NKAIN3: variants seen among roughly 807,000 people sequenced by gnomAD.
NKAIN3 encodes sodium/potassium transporting ATPase interacting 3.
Under a neutral mutation model 30.2 loss-of-function variants are expected in NKAIN3, and 25 were observed. That is an observed-to-expected ratio of 0.83 (90% CI 0.60 to 1.16). NKAIN3 has a LOEUF of 1.16. NKAIN3 is among the 50% of genes most tolerant of loss of function. The pLI, the probability that NKAIN3 is intolerant of heterozygous loss-of-function variation, is 0.00. For missense variants in NKAIN3, 225 were observed against 254.1 expected (o/e 0.89, Z 0.78); for synonymous variants, 91 against 89.6 (o/e 1.02, Z -0.09).
chr8:62,255,711 G>C (rs915441465), intron 1 of NKAIN3, among the ~76,000 whole-genome samples: 1 of 152,156 alleles, frequency 6.6e-6, no homozygotes, highest in Non-Finnish European at 1.5e-5. Flanking sequence ...GTCATGGCAG[G>C]AATAATTAGA....
At chr8:62,500,585 G>A (rs1387380246) in intron 1 of NKAIN3, among the ~76,000 whole-genome samples, 1 of 152,016 alleles carries the variant, frequency 6.6e-6, no homozygotes, top group Non-Finnish European at 1.5e-5. Context: ...TAATGTGTGG[G>A]CCGACTGAAA....
chr8:62,818,732 A>C (rs892980920), intron 4 of NKAIN3, among the ~76,000 whole-genome samples: 4 of 152,128 alleles, frequency 2.6e-5, no homozygotes, highest in Admixed American at 1.3e-4. Flanking sequence ...AATTATATGA[A>C]GTAAGTGCTG....
chr8:62,660,428 T>C (rs1812909173), intron 3 of NKAIN3, among the ~76,000 whole-genome samples: 1 of 152,004 alleles, frequency 6.6e-6, no homozygotes, highest in South Asian at 2.1e-4. Flanking sequence ...AATTATACAT[T>C]TAAAAACTAG....
intron 3 of NKAIN3, among the ~76,000 whole-genome samples, chr8:62,695,568 G>C (rs768419159): frequency 6.6e-6 from 1 of 152,180 alleles, no homozygotes; most frequent in Non-Finnish European, 1.5e-5. Flanking sequence ...GGCAGAAGGA[G>C]TAATTGACAA....
intron 4 of NKAIN3, among the ~76,000 whole-genome samples, chr8:62,788,357 T>G (rs1451025864): frequency 6.6e-6 from 1 of 152,202 alleles, no homozygotes; most frequent in African/African-American, 2.4e-5. Context: ...TGTCTGTTCA[T>G]ATCCTTCGCC....
At chr8:62,577,537 T>A (rs1338118047) in intron 1 of NKAIN3, among the ~76,000 whole-genome samples, 1 of 41,658 alleles carries the variant, frequency 2.4e-5, no homozygotes, top group Middle Eastern at 0.012. Context: ...CAGGGTTTCC[T>A]TTTTTTTTTT....
chr8:62,323,089 A>G (rs1437228927), intron 1 of NKAIN3, among the ~76,000 whole-genome samples: 1 of 152,186 alleles, frequency 6.6e-6, no homozygotes, highest in African/African-American at 2.4e-5. Flanking sequence ...GGGAATGCAA[A>G]ATGGTAGAGG....
At chr8:62,592,775 G>A (rs1050494978) in intron 3 of NKAIN3, among the ~76,000 whole-genome samples, 7 of 151,746 alleles carry the variant, frequency 4.6e-5, no homozygotes, top group Non-Finnish European at 7.4e-5. Context: ...CTATGTAAAC[G>A]ATAATCAGAA....
chr8:62,583,831 G>A (rs1239362513), intron 2 of NKAIN3, among the ~76,000 whole-genome samples: 2 of 151,966 alleles, frequency 1.3e-5, no homozygotes, highest in African/African-American at 4.8e-5. Context: ...TTCTAATATG[G>A]GTATAAATTA....
intron 1 of NKAIN3, among the ~76,000 whole-genome samples, chr8:62,294,221 C>T (rs1320317952): frequency 6.6e-6 from 1 of 152,144 alleles, no homozygotes; most frequent in Non-Finnish European, 1.5e-5. Context: ...ATGGGCTGCA[C>T]CCACTGTCTG....
At chr8:62,400,626 G>A (rs1276887775) in intron 1 of NKAIN3, among the ~76,000 whole-genome samples, 1 of 151,886 alleles carries the variant, frequency 6.6e-6, no homozygotes, top group East Asian at 1.9e-4. Flanking sequence ...TTTTTTGTCT[G>A]GGAAAGTCTT....
chr8:62,919,906 GTT>G (rs61197233), intron 5 of NKAIN3, among the ~76,000 whole-genome samples: 6 of 52,276 alleles, frequency 1.1e-4, no homozygotes, highest in Admixed American at 8.6e-4. Flanking sequence ...CTTACACAGA[GTT>G]TTTTTTTTTT....
At chr8:62,707,268 G>A (rs983026194) in intron 3 of NKAIN3, among the ~76,000 whole-genome samples, 1 of 151,988 alleles carries the variant, frequency 6.6e-6, no homozygotes, top group Non-Finnish European at 1.5e-5. Flanking sequence ...TGAATAAAAT[G>A]GTAGTTCTAC....
intron 4 of NKAIN3, among the ~76,000 whole-genome samples, chr8:62,773,720 T>C (rs1817094886): frequency 6.6e-6 from 1 of 152,114 alleles, no homozygotes; most frequent in Non-Finnish European, 1.5e-5. Flanking sequence ...CCTGCCACCA[T>C]ATAAGACATG....
chr8:62,394,334 A>G (rs1258965613), intron 1 of NKAIN3, among the ~76,000 whole-genome samples: 2 of 151,908 alleles, frequency 1.3e-5, no homozygotes, highest in Non-Finnish European at 2.9e-5. Context: ...TCTCTTTATT[A>G]CATTTAGGTA....
intron 1 of NKAIN3, among the ~76,000 whole-genome samples, chr8:62,263,721 G>A (rs570627029): frequency 1.8e-4 from 27 of 152,202 alleles, no homozygotes; most frequent in African/African-American, 6.3e-4. Flanking sequence ...AAAACATAGT[G>A]TAGTAAACCA....
At chr8:62,607,322 G>A (rs1284886970) in intron 3 of NKAIN3, among the ~76,000 whole-genome samples, 2 of 152,126 alleles carry the variant, frequency 1.3e-5, no homozygotes, top group African/African-American at 4.8e-5. Context: ...TATTTCTGCT[G>A]TGGAAGATCC....
intron 2 of NKAIN3, 71 bp downstream of exon 2, chr8:62,579,747 T>A: frequency 1.1e-6 from 1 of 888,368 alleles, no homozygotes; most frequent in Non-Finnish European, 1.5e-6. Flanking sequence ...AAATAAAATA[T>A]TTCTAAGTGG....
chr8:62,408,631 T>A (rs574858556), intron 1 of NKAIN3, among the ~76,000 whole-genome samples: 2 of 152,320 alleles, frequency 1.3e-5, no homozygotes, highest in South Asian at 4.1e-4. Flanking sequence ...GTGATTCGTG[T>A]CTGGCAGTAG....
Sources: gnomAD v4.1 joint callset for allele counts (sites outside exome capture counted in the v4.1 genomes callset) on GRCh38, gnomAD v4.1.1 for gene constraint, MANE v1.5 for transcripts, NCBI Gene and HGNC (gene_info 2026-07-23, HGNC 2026-07-21) for gene names.